SSTR3: variants seen among roughly 807,000 people sequenced by gnomAD.
SSTR3 encodes the protein somatostatin receptor type 3.
For synonymous variants in SSTR3, 281 were observed against 269.2 expected (o/e 1.04, Z -0.43); for missense variants, 504 against 604.7 (o/e 0.83, Z 1.75).
chr22:37,210,175 G>T (rs1442325829), intron 1 of SSTR3, among the ~76,000 whole-genome samples: 1 of 152,202 alleles, frequency 6.6e-6, no homozygotes, highest in African/African-American at 2.4e-5. Context: ...GATGAGGGAG[G>T]GGAGCACCAG....
intron 1 of SSTR3, among the ~76,000 whole-genome samples, chr22:37,208,216 A>C (rs1925971666): frequency 6.6e-6 from 1 of 152,210 alleles, no homozygotes; most frequent in Non-Finnish European, 1.5e-5. Flanking sequence ...TGCCACCAAC[A>C]GGTCTCGCCC....
chr22:37,206,823 G>T lies in SSTR3; in HGVS notation c.981C>A (p.Val327=). The change falls in exon 2 of 2, where the codon GTC becomes GTA. Residue 327 remains valine, a synonymous_variant. Coordinates refer to ENST00000610913, the MANE Select transcript of SSTR3 (RefSeq NM_001051.5). ...GCACACGGCGGGAGGGCCGCAGCAG[G>T]ACCCTGCGGAAGCCCTGCTTGAAGC... ...SYRFKQGFRR[V]LLRPSRRVRS... is the part of the protein sequence containing the mutation. The T allele has an allele frequency of 6.2e-7, 1 of 1,612,906 alleles. No individual in the cohort carries two copies. Among genetic ancestry groups the T allele is most frequent in the Admixed American group, 1.7e-5 (1 of 60,034 alleles).
upstream of SSTR3, among the ~76,000 whole-genome samples, chr22:37,212,552 G>A (rs946019241): frequency 6.6e-6 from 1 of 151,952 alleles, no homozygotes; most frequent in Non-Finnish European, 1.5e-5. Flanking sequence ...GAGGAGGCCC[G>A]GAGAGGGAGC....
rs369359088 is a variant in SSTR3, at chr22:37,206,670, C to T, written c.1134G>A (p.Thr378=). The change falls in exon 2 of 2, where the codon ACG becomes ACA. Residue 378 remains threonine (T), a synonymous_variant. Transcript: ENST00000610913. The part of the protein sequence containing the change: ...KEMNGRVSQI[T]QPGTSGQERP... ...GCTCCTGCCCGCTGGTGCCAGGCTG[C>T]GTGATCTGGCTGACCCGGCCGTTCA... The T allele has an allele frequency of 1.4e-5, 22 of 1,609,798 alleles. No individual in the cohort carries two copies. Among genetic ancestry groups the T allele is most frequent in the South Asian group, 4.4e-5 (4 of 91,086 alleles).
the SSTR3 span, among the ~76,000 whole-genome samples, chr22:37,217,754 A>C: frequency 6.6e-6 from 1 of 152,010 alleles, no homozygotes; most frequent in Non-Finnish European, 1.5e-5. Context: ...CCCAGGCTGG[A>C]GTGCAGTGGC....
At chr22:37,216,361 C>T (rs1250200934), upstream of SSTR3, among the ~76,000 whole-genome samples, 1 of 152,162 alleles carries the variant, frequency 6.6e-6, no homozygotes. Context: ...TTCTTACGCA[C>T]TCTCACCCCT....
upstream of SSTR3, among the ~76,000 whole-genome samples, chr22:37,214,506 G>T (rs1311105473): frequency 6.6e-6 from 1 of 152,118 alleles, no homozygotes; most frequent in Non-Finnish European, 1.5e-5. Flanking sequence ...TTGGGTCTTG[G>T]TCATTTGGGC....
chr22:37,215,009 A>G (rs1045249420), upstream of SSTR3, among the ~76,000 whole-genome samples: 1 of 151,892 alleles, frequency 6.6e-6, no homozygotes. Context: ...CCCTTCTCCA[A>G]CACTCCCTCC....
Position 37,207,416 on chromosome 22 carries a change from T to C in SSTR3, c.388A>G (p.Ser130Gly), listed in dbSNP as rs1299790884. Residue 130 changes from serine (S) to glycine (G), a missense_variant, in exon 2 of 2, where the codon AGC (serine) becomes GGC (glycine). Transcript: ENST00000610913. ...CTCATGACAGTCAGGCAGAATATGC[T>C]GGTGAACTGGTTGATGCCATCCACC... is the stretch of plus-strand genomic sequence containing the variant. The part of the protein sequence containing the change: ...MAVDGINQFT[S>G]IFCLTVMSVD... The C allele has an allele frequency of 6.2e-7, 1 of 1,613,252 alleles. No individual in the cohort carries two copies. Among genetic ancestry groups the C allele is most frequent in the Non-Finnish European group, 8.5e-7 (1 of 1,179,764 alleles).
Position 37,205,776 on chromosome 22 carries a change from A to AGG in SSTR3, c.*769_*770dup, listed in dbSNP as rs1445211896. ...GGGTGGCCTAAGCTTATGCAGTTCG[A>AGG]GGTCCCTCTTTAAGAAAACGAATAC... On this transcript the variant is annotated 3_prime_UTR_variant, in exon 2 of 2. Coordinates refer to ENST00000610913, the MANE Select transcript of SSTR3 (RefSeq NM_001051.5). 6.6e-6 allele frequency: 1 copy of AGG among 152,222 alleles called. No homozygotes were observed. Among genetic ancestry groups the AGG allele is most frequent in the Non-Finnish European group, 1.5e-5 (1 of 68,064 alleles). 9.4% of individuals were successfully genotyped at this position (152,222 alleles called of 1,614,324 possible). A position where few individuals can be genotyped will look rare whatever the true frequency, so the allele number is the denominator to read the frequency against.
rs1601658234 is a variant in SSTR3 at position 37,212,021 on chromosome 22, T to C, written c.-233A>G. On this transcript the variant is annotated 5_prime_UTR_variant, in exon 1 of 2. The change abolishes an upstream ATG in the 5' untranslated region. Coordinates refer to ENST00000610913, the MANE Select transcript of SSTR3 (RefSeq NM_001051.5). ...ACGGCTGTCCACAGAGCCTCTCCCA[T>C]CTGGTCTCCGGCCCTGACTTCCCAA... is the stretch of plus-strand genomic sequence containing the variant. The C allele has an allele frequency of 1.0e-6, 1 of 985,636 alleles. No individual in the cohort carries two copies. Among genetic ancestry groups the C allele is most frequent in the East Asian group, 1.1e-4 (1 of 8,826 alleles). 61.1% of individuals were successfully genotyped at this position (985,636 alleles called of 1,614,324 possible). A position where few individuals can be genotyped will look rare whatever the true frequency, so the allele number is the denominator to read the frequency against.
At chr22:37,215,511 G>A (rs117946958), upstream of SSTR3, among the ~76,000 whole-genome samples, 7,702 of 152,242 alleles carry the variant, frequency 0.051, 335 homozygotes, top group Admixed American at 0.15. Context: ...TCAGCCTCCC[G>A]AGTAGCAGGG....
upstream of SSTR3, among the ~76,000 whole-genome samples, chr22:37,213,585 C>T (rs1252706119): frequency 6.6e-6 from 1 of 152,240 alleles, no homozygotes; most frequent in Non-Finnish European, 1.5e-5. Context: ...GGTCTCTTAA[C>T]GCTGCCCGTC....
At position 37,207,563 on chromosome 22, in the gene SSTR3, CGTT is replaced by C; in HGVS notation, c.238_240del (p.Asn80del). On this transcript the variant is annotated inframe_deletion, in exon 2 of 2. Transcript: ENST00000610913. ...GCCAGCGCCAGGTTGAGGATGTAGA[CGTT>C]GGTGACTGAAGGGCTGGCCGTGTGC... The C allele has an allele frequency of 6.2e-7, 1 of 1,613,662 alleles. No individual in the cohort carries two copies. The highest frequency in any genetic ancestry group is 1.1e-5 in the South Asian group (1 of 91,084).
upstream of SSTR3, among the ~76,000 whole-genome samples, chr22:37,212,779 C>T (rs1394524674): frequency 3.3e-5 from 5 of 152,084 alleles, no homozygotes; most frequent in Admixed American, 2.6e-4. Flanking sequence ...CTGGCCAGCC[C>T]GGGAGTCCAC....
At chr22:37,213,752 C>T (rs548318127), upstream of SSTR3, among the ~76,000 whole-genome samples, 10 of 152,294 alleles carry the variant, frequency 6.6e-5, no homozygotes, top group Admixed American at 1.3e-4. Context: ...CCCCTACCCA[C>T]GGCTTCTCAC....
Position 37,207,291 on chromosome 22 carries a change from T to G in SSTR3, c.513A>C (p.Ser171=), listed in dbSNP as rs931821176. The change falls in exon 2 of 2, where the codon TCA becomes TCC. Residue 171 remains serine (S), a synonymous_variant. Coordinates refer to ENST00000610913, the MANE Select transcript of SSTR3 (RefSeq NM_001051.5). The part of the protein sequence containing the change: ...RTVSAAVWVA[S]AVVVLPVVVF... ...CCACCACGGGCAGCACCACCACGGC[T>G]GAGGCCACCCACACAGCCGCGCTGA... The G allele has an allele frequency of 6.3e-7, 1 of 1,592,670 alleles. No homozygotes were observed.
At chr22:37,208,681 C>T (rs1005422557) in intron 1 of SSTR3, among the ~76,000 whole-genome samples, 1 of 152,220 alleles carries the variant, frequency 6.6e-6, no homozygotes, top group Non-Finnish European at 1.5e-5. Context: ...CCCCCGCACT[C>T]CAGGTGCTTT....
At chr22:37,217,355 C>A (rs943612387), upstream of SSTR3, among the ~76,000 whole-genome samples, 6 of 152,116 alleles carry the variant, frequency 3.9e-5, no homozygotes, top group African/African-American at 1.2e-4. Flanking sequence ...CTTCTAGGAT[C>A]TTTGCTTTAT....
Sources: allele counts gnomAD v4.1 joint callset (sites outside exome capture counted in the v4.1 genomes callset), GRCh38; gene constraint gnomAD v4.1.1; transcripts MANE v1.5; gene names NCBI Gene and HGNC (gene_info 2026-07-23, HGNC 2026-07-21).